The following PHF2 variants were observed in gnomAD, a reference collection of about 807,000 sequenced individuals.
PHF2 encodes PHD finger protein 2, also known as lysine-specific demethylase PHF2.
Under a neutral mutation model 120.5 loss-of-function variants are expected in PHF2, and 27 were observed. That is an observed-to-expected ratio of 0.22 (90% CI 0.17 to 0.31). The LOEUF (loss-of-function observed/expected upper bound fraction) is 0.31. Ranked by LOEUF, PHF2 falls within the 10% of genes least tolerant of loss-of-function variation. PHF2 has a pLI of 1.00. For synonymous variants in PHF2, 568 were observed against 592.5 expected, an observed-to-expected ratio of 0.96 and a Z score of 0.60; for missense variants, 1,024 against 1,434.8, an observed-to-expected ratio of 0.71 and a Z score of 4.63.
At chr9:93,602,133 C>CTCTCTTCA (rs1428057157) in intron 1 of PHF2, among the ~76,000 whole-genome samples, 2 of 151,936 alleles carry the variant, frequency 1.3e-5, no homozygotes, top group African/African-American at 4.8e-5. Context: ...TTCCAGTTCA[C>CTCTCTTCA]GAGTTCTCTG....
chr9:93,667,588 T>G (rs1826706412), intron 17 of PHF2, among the ~76,000 whole-genome samples: 1 of 152,056 alleles, frequency 6.6e-6, no homozygotes, highest in African/African-American at 2.4e-5. Context: ...TGTAGCCCCC[T>G]CCATGGTGCC....
intron 10 of PHF2, among the ~76,000 whole-genome samples, chr9:93,659,109 G>A (rs899977057): frequency 3.9e-5 from 6 of 152,338 alleles, no homozygotes; most frequent in Admixed American, 3.9e-4. Flanking sequence ...GGTGGGCCAG[G>A]CAGGAGAGGC....
At chr9:93,669,822 G>A (rs1242662032) in intron 17 of PHF2, among the ~76,000 whole-genome samples, 1 of 152,206 alleles carries the variant, frequency 6.6e-6, no homozygotes, top group Non-Finnish European at 1.5e-5. Context: ...AGTCTTGGGA[G>A]CCCTCTTGCT....
chr9:93,576,896 T>TCGGCC (rs750115392), intron 1 of PHF2, 25 bp downstream of exon 1: 42 of 1,092,774 alleles, frequency 3.8e-5, no homozygotes, highest in East Asian at 1.7e-4. Flanking sequence ...GCTGCTCGGC[T>TCGGCC]CGGCCCGGCC....
chr9:93,674,501 C>A (rs1290488525), intron 18 of PHF2, among the ~76,000 whole-genome samples: 1 of 152,132 alleles, frequency 6.6e-6, no homozygotes, highest in African/African-American at 2.4e-5. Context: ...ACTGAGATGC[C>A]CTAGTTTGAT....
intron 1 of PHF2, among the ~76,000 whole-genome samples, chr9:93,596,697 C>A (rs1275045014): frequency 6.6e-6 from 1 of 151,234 alleles, no homozygotes; most frequent in Non-Finnish European, 1.5e-5. Flanking sequence ...GAGCATGTGT[C>A]TCTGGGCAGA....
chr9:93,643,367 G>T (rs1826199840), intron 3 of PHF2, among the ~76,000 whole-genome samples: 1 of 152,188 alleles, frequency 6.6e-6, no homozygotes, highest in South Asian at 2.1e-4. Context: ...AGGTGGATGG[G>T]AGGCCTTCCC....
chr9:93,670,675 G>A (rs907106344), intron 17 of PHF2, among the ~76,000 whole-genome samples: 1 of 152,192 alleles, frequency 6.6e-6, no homozygotes, highest in East Asian at 1.9e-4. Flanking sequence ...GCAGCACCAA[G>A]CCCCTGGTTC....
intron 1 of PHF2, among the ~76,000 whole-genome samples, chr9:93,596,428 GGT>G (rs1191986331): frequency 6.6e-6 from 1 of 152,080 alleles, no homozygotes; most frequent in African/African-American, 2.4e-5. Flanking sequence ...CTGGCCAGCT[GGT>G]GTGTACTGTG....
At position 93,662,898 on chromosome 9, in the gene PHF2, T is replaced by G; in HGVS notation, c.1699-9T>G. The G allele has an allele frequency of 6.2e-7, 1 of 1,613,770 alleles. No individual in the cohort carries two copies. On this transcript the variant is annotated splice_polypyrimidine_tract_variant and intron_variant, in intron 12 of 21. Coordinates refer to ENST00000359246, the MANE Select transcript of PHF2 (RefSeq NM_005392.4). ...TCTGCCTCTGGGTCACAGCAGCCCT[T>G]TTTTCTAGGCCACAAAGAGTGTCCT...
chr9:93,589,772 C>T (rs1190131554), intron 1 of PHF2, among the ~76,000 whole-genome samples: 1 of 152,314 alleles, frequency 6.6e-6, no homozygotes. Context: ...TCTCCCCTGT[C>T]TCCCCGTTCT....
At chr9:93,661,876 A>T (rs1473976688) in intron 12 of PHF2, among the ~76,000 whole-genome samples, 2 of 151,266 alleles carry the variant, frequency 1.3e-5, no homozygotes, top group African/African-American at 4.9e-5. Flanking sequence ...GGATGAGCAA[A>T]TGGATGGATG....
chr9:93,675,161 G>T lies in PHF2; in HGVS notation c.2722+139G>T, dbSNP rs369332386. On this transcript the variant is annotated intron_variant, in intron 19 of 21. Coordinates refer to ENST00000359246, the MANE Select transcript of PHF2 (RefSeq NM_005392.4). The stretch of plus-strand genomic sequence containing the variant: ...TCCTGAGGGCTGGGCAGCCCGTCCC[G>T]CTGGGGTTGGTCAGCTGCTTGCAGG... 30 of 676,212 alleles carry T rather than the reference G, an allele frequency of 4.4e-5. No individual in the cohort carries two copies. The East Asian group carries it at 7.4e-4, about 17-fold the overall frequency. 41.9% of individuals were successfully genotyped at this position (676,212 alleles called of 1,614,324 possible).
At position 93,639,844 on chromosome 9, in the gene PHF2, C is replaced by T. The variant is rs556535663; in HGVS notation, c.299+3319C>T. ...CTCTCTAGCTGGGAGCCGGTGGGGA[C>T]GAAGCCTGTGTTTTTGGCTGCAGCA... is the stretch of plus-strand genomic sequence containing the variant. On this transcript the variant is annotated intron_variant, in intron 3 of 21. Coordinates refer to ENST00000359246, the MANE Select transcript of PHF2 (RefSeq NM_005392.4). Among the ~76,000 whole-genome samples, 21 of 152,290 alleles carry T rather than the reference C, an allele frequency of 1.4e-4. No individual in the cohort carries two copies. In the East Asian group the frequency reaches 2.7e-3, roughly 20 times the overall value.
At chr9:93,665,539 C>T (rs903143635) in intron 14 of PHF2, 147 bp from the exon 15 acceptor site, 8 of 824,534 alleles carry the variant, frequency 9.7e-6, no homozygotes, top group African/African-American at 5.2e-5. Context: ...GAGGCTTCTT[C>T]GGATGGAAAT....
At chr9:93,624,963 T>A (rs1825888235) in intron 1 of PHF2, among the ~76,000 whole-genome samples, 1 of 152,220 alleles carries the variant, frequency 6.6e-6, no homozygotes, top group Non-Finnish European at 1.5e-5. Context: ...TTTTTTCTCT[T>A]TTATTGAGTT....
chr9:93,596,899 C>T (rs1470501574), intron 1 of PHF2, among the ~76,000 whole-genome samples: 2 of 150,448 alleles, frequency 1.3e-5, no homozygotes, highest in East Asian at 2.0e-4. Flanking sequence ...GCTGGGACTA[C>T]AGGCACGCGC....
intron 1 of PHF2, among the ~76,000 whole-genome samples, chr9:93,612,574 A>G (rs1825654891): frequency 6.6e-6 from 1 of 152,230 alleles, no homozygotes; most frequent in Non-Finnish European, 1.5e-5. Context: ...TCAGGCAGAT[A>G]CGTTTTCATT....
intron 1 of PHF2, among the ~76,000 whole-genome samples, chr9:93,620,168 G>A (rs1825802305): frequency 6.6e-6 from 1 of 152,200 alleles, no homozygotes; most frequent in Admixed American, 6.5e-5. Context: ...TACAAGGCTA[G>A]GTGGCCAGCG....
Sources: gnomAD v4.1 joint callset for allele counts (sites outside exome capture counted in the v4.1 genomes callset) on GRCh38, gnomAD v4.1.1 for gene constraint, MANE v1.5 for transcripts, NCBI Gene and HGNC (gene_info 2026-07-23, HGNC 2026-07-21) for gene names.